The following PDE4D variants were observed in gnomAD, a reference collection of about 807,000 sequenced individuals.
PDE4D encodes the protein phosphodiesterase 4D.
PDE4D carries 24 observed loss-of-function variants against 87.4 expected under a neutral mutation model. The observed-to-expected ratio is 0.27, with a 90% CI of 0.20 to 0.39. PDE4D has a LOEUF of 0.39. Among genes scored for constraint, PDE4D ranks in the 10% least tolerant of loss-of-function variants. The pLI, the probability that PDE4D is intolerant of heterozygous loss-of-function variation, is 1.00. For synonymous variants in PDE4D, 384 were observed against 383.2 expected (o/e 1.00, Z -0.02); for missense variants, 714 against 1,041.0 (o/e 0.69, Z 4.32).
chr5:60,167,504 G>A (rs1471843910), intron 2 of PDE4D, among the ~76,000 whole-genome samples: 2 of 151,762 alleles, frequency 1.3e-5, no homozygotes, highest in Non-Finnish European at 2.9e-5. Context: ...TCCTGACCTC[G>A]TGATCCGCCC....
At chr5:59,092,143 G>A (rs1768864810) in intron 5 of PDE4D, among the ~76,000 whole-genome samples, 1 of 152,156 alleles carries the variant, frequency 6.6e-6, no homozygotes, top group South Asian at 2.1e-4. Context: ...ACATGTCAGA[G>A]TTCTTTATGA....
chr5:60,408,455 T>A (rs1436945721), intron 1 of PDE4D, among the ~76,000 whole-genome samples: 2 of 152,206 alleles, frequency 1.3e-5, no homozygotes, highest in African/African-American at 4.8e-5. Context: ...CTGAGGCTCC[T>A]CAGCACACAA....
upstream of PDE4D, chr5:60,489,729 C>T (rs562383975): frequency 6.6e-6 from 1 of 152,126 alleles, no homozygotes; most frequent in South Asian, 2.1e-4. Flanking sequence ...GAATTGTTAC[C>T]CCCTTTACTC....
chr5:59,321,782 G>A (rs10060200), intron 1 of PDE4D, among the ~76,000 whole-genome samples: 10,238 of 152,018 alleles, frequency 0.067, 436 homozygotes, highest in South Asian at 0.12. Flanking sequence ...AGAGAAACAG[G>A]GAGTGAGTTC....
At chr5:59,419,581 C>G (rs1172588601) in intron 1 of PDE4D, among the ~76,000 whole-genome samples, 1 of 152,136 alleles carries the variant, frequency 6.6e-6, no homozygotes. Context: ...TAAATACTTG[C>G]AGAAAGCTGA....
At chr5:59,091,381 A>G (rs1213822152) in intron 5 of PDE4D, among the ~76,000 whole-genome samples, 1 of 150,756 alleles carries the variant, frequency 6.6e-6, no homozygotes, top group Non-Finnish European at 1.5e-5. Flanking sequence ...GATATGTTCA[A>G]CTGCATAAAG....
chr5:59,090,320 A>G (rs1345492366), intron 5 of PDE4D, among the ~76,000 whole-genome samples: 1 of 152,196 alleles, frequency 6.6e-6, no homozygotes, highest in Non-Finnish European at 1.5e-5. Context: ...TGTCTAGTCC[A>G]TAGGCATTAG....
At chr5:60,228,875 G>T (rs555940337) in intron 1 of PDE4D, among the ~76,000 whole-genome samples, 4 of 152,002 alleles carry the variant, frequency 2.6e-5, no homozygotes, top group Admixed American at 6.6e-5. Context: ...AAATACAGCC[G>T]TGAGTGACTG....
rs184943361 is a variant in PDE4D, at chr5:59,862,389, T to A, written c.455+30779A>T. On this transcript the variant is annotated intron_variant, in intron 1 of 14. Transcript: ENST00000340635. Reference sequence around the variant, plus strand: ...TATCTAATCCCATTTGTCATGCGTATCCTCAGCTTACCCTGACCTCTAAGA... The same window carrying A: ...TATCTAATCCCATTTGTCATGCGTAACCTCAGCTTACCCTGACCTCTAAGA... Among the ~76,000 whole-genome samples the A allele has an allele frequency of 3.9e-5, 6 of 152,312 alleles. No individual in the cohort carries two copies. The East Asian group carries it at 1.2e-3, about 29-fold the overall frequency.
intron 1 of PDE4D, among the ~76,000 whole-genome samples, chr5:59,353,360 C>G (rs1336155604): frequency 1.5e-4 from 13 of 87,150 alleles, no homozygotes; most frequent in Non-Finnish European, 2.3e-4. Context: ...CGTTTTTCCC[C>G]ATTTTTTTTT....
At chr5:59,258,108 C>A (rs1409447225) in intron 1 of PDE4D, among the ~76,000 whole-genome samples, 1 of 151,950 alleles carries the variant, frequency 6.6e-6, no homozygotes, top group Non-Finnish European at 1.5e-5. Flanking sequence ...AAAAAGATAG[C>A]CTTTCTGCTC....
At chr5:59,956,411 C>T (rs546886701) in intron 3 of PDE4D, among the ~76,000 whole-genome samples, 1 of 152,252 alleles carries the variant, frequency 6.6e-6, no homozygotes, top group African/African-American at 2.4e-5. Context: ...GCAGAGTGCT[C>T]ATTTTAGATT....
chr5:59,582,136 A>G (rs1824268852), intron 1 of PDE4D, among the ~76,000 whole-genome samples: 1 of 152,182 alleles, frequency 6.6e-6, no homozygotes, highest in Admixed American at 6.5e-5. Context: ...GATGTTAAAG[A>G]AGCAAGGTCA....
chr5:59,844,956 G>A (rs990606992), intron 1 of PDE4D, among the ~76,000 whole-genome samples: 2 of 152,066 alleles, frequency 1.3e-5, no homozygotes, highest in African/African-American at 2.4e-5. Context: ...AAGTGGCCAC[G>A]TTGTGAGAGG....
chr5:59,308,467 CT>C (rs1188668787), intron 1 of PDE4D, among the ~76,000 whole-genome samples: 3 of 152,008 alleles, frequency 2.0e-5, no homozygotes, highest in African/African-American at 4.8e-5. Context: ...CTGAAAAAGA[CT>C]GTATCTTTCC....
chr5:59,126,735 G>A (rs545280449), intron 5 of PDE4D, among the ~76,000 whole-genome samples: 20 of 152,112 alleles, frequency 1.3e-4, no homozygotes, highest in Non-Finnish European at 2.5e-4. Flanking sequence ...TCCACATCTC[G>A]GAAATCATTC....
At chr5:59,909,378 A>C (rs1434550236) in intron 3 of PDE4D, among the ~76,000 whole-genome samples, 1 of 144,560 alleles carries the variant, frequency 6.9e-6, no homozygotes, top group Non-Finnish European at 1.5e-5. Flanking sequence ...GGCAATTTTA[A>C]CAAGCTCCTT....
intron 1 of PDE4D, among the ~76,000 whole-genome samples, chr5:59,237,561 G>A (rs1236632487): frequency 6.6e-6 from 1 of 152,098 alleles, no homozygotes; most frequent in East Asian, 1.9e-4. Flanking sequence ...TGATTTACAA[G>A]ACATCGACAG....
In PDE4D at chr5:60,128,722, A is replaced by G. The variant is rs1029789487; in HGVS notation, c.42+56835T>C. 2.0e-5 allele frequency among the ~76,000 whole-genome samples: 3 copies of G among 152,320 alleles called. No individual in the cohort carries two copies. The South Asian group carries it at 6.2e-4, about 32-fold the overall frequency. ...TTAACTACTCTAACTGATACACTGA[A>G]GCTGGCTACGTTGGAAGCAACTCAG... On this transcript the variant is annotated intron_variant, in intron 2 of 16. Transcript: ENST00000502484.
Sources: allele counts gnomAD v4.1 joint callset (sites outside exome capture counted in the v4.1 genomes callset), GRCh38; gene constraint gnomAD v4.1.1; transcripts MANE v1.5; gene names NCBI Gene and HGNC (gene_info 2026-07-23, HGNC 2026-07-21).